GALNT13: variants seen among roughly 807,000 people sequenced by gnomAD.
The protein encoded by GALNT13 is UDP-GalNAc:polypeptide N-acetylgalactosaminyltransferase 13.
Under a neutral mutation model 64.2 loss-of-function variants are expected in GALNT13, and 28 were observed. That is an observed-to-expected ratio of 0.44 (90% CI 0.32 to 0.60). The LOEUF (loss-of-function observed/expected upper bound fraction) is 0.60. Among genes scored for constraint, GALNT13 ranks in the 20% least tolerant of loss-of-function variants. GALNT13 has a pLI of 0.05. For missense variants in GALNT13, 577 were observed against 669.8 expected (o/e 0.86, Z 1.53); for synonymous variants, 214 against 224.6 (o/e 0.95, Z 0.42).
chr2:153,181,357 CA>C, the GALNT13 span, among the ~76,000 whole-genome samples: 19,152 of 144,778 alleles, frequency 0.13, 1,480 homozygotes, highest in Non-Finnish European at 0.18. Flanking sequence ...CCATTACTGT[CA>C]AAAAAAAAAG....
intron 3 of GALNT13, among the ~76,000 whole-genome samples, chr2:153,982,733 G>A (rs1171039436): frequency 6.6e-6 from 1 of 152,012 alleles, no homozygotes; most frequent in Middle Eastern, 3.4e-3. Flanking sequence ...ATAATCTTGA[G>A]CAAACATAAT....
chr2:154,278,910 A>C (rs767333402), intron 8 of GALNT13, among the ~76,000 whole-genome samples: 1 of 152,120 alleles, frequency 6.6e-6, no homozygotes, highest in African/African-American at 2.4e-5. Context: ...ATTTTCTATC[A>C]TTTCATTTTA....
chr2:154,003,598 A>G (rs1171879353), intron 3 of GALNT13, among the ~76,000 whole-genome samples: 1 of 152,188 alleles, frequency 6.6e-6, no homozygotes, highest in Non-Finnish European at 1.5e-5. Context: ...TGTTGAATAC[A>G]AAGTCTTGTT....
chr2:153,599,532 C>T, the GALNT13 span, among the ~76,000 whole-genome samples: 3 of 151,746 alleles, frequency 2.0e-5, no homozygotes, highest in African/African-American at 7.3e-5. Context: ...ACTGCTTGGC[C>T]CAAGAGGGTA....
At chr2:153,811,782 C>T in the GALNT13 span, among the ~76,000 whole-genome samples, 3 of 152,296 alleles carry the variant, frequency 2.0e-5, no homozygotes, top group East Asian at 5.8e-4. Flanking sequence ...AATTGTCAGT[C>T]ACACAAGCCT....
At chr2:153,719,359 T>C in the GALNT13 span, among the ~76,000 whole-genome samples, 26 of 152,326 alleles carry the variant, frequency 1.7e-4, no homozygotes, top group Admixed American at 2.6e-4. Flanking sequence ...ACATTGACAC[T>C]GACTGAAAGG....
At chr2:153,731,747 A>G in the GALNT13 span, among the ~76,000 whole-genome samples, 1 of 152,028 alleles carries the variant, frequency 6.6e-6, no homozygotes, top group Non-Finnish European at 1.5e-5. Context: ...TATATTTGCC[A>G]ATTTTATATT....
chr2:153,175,332 G>A, the GALNT13 span, among the ~76,000 whole-genome samples: 3 of 152,226 alleles, frequency 2.0e-5, no homozygotes, highest in East Asian at 1.9e-4. Context: ...TTTATATGTC[G>A]CAGAGTGGGA....
At chr2:153,280,502 A>G in the GALNT13 span, among the ~76,000 whole-genome samples, 1 of 152,138 alleles carries the variant, frequency 6.6e-6, no homozygotes, top group Non-Finnish European at 1.5e-5. Flanking sequence ...GTAGCTGTTT[A>G]GCACTACAAA....
chr2:153,154,748 C>A, the GALNT13 span, among the ~76,000 whole-genome samples: 12 of 152,050 alleles, frequency 7.9e-5, no homozygotes, highest in Non-Finnish European at 1.3e-4. Context: ...ATTGCCCTGG[C>A]CAGAACTTCC....
Position 154,043,410 on chromosome 2 carries a change from A to AT in GALNT13, c.143-96927_143-96926insT, listed in dbSNP as rs1558926793. On this transcript the variant is annotated intron_variant, in intron 3 of 12. Transcript: ENST00000392825. Reference sequence around the variant, plus strand: ...CTCTTCTGTCAACACTACTATAAGGACTTTTATATATATATATATATATAT... The same window carrying AT: ...CTCTTCTGTCAACACTACTATAAGGATCTTTTATATATATATATATATATAT... Among the ~76,000 whole-genome samples the AT allele has an allele frequency of 3.7e-4, 8 of 21,866 alleles. No individual in the cohort carries two copies. The East Asian group carries it at 0.047, about 128-fold the overall frequency. The allele number at this position is 21,866 out of a possible 152,430, so 14.3% of individuals were successfully genotyped here.
the GALNT13 span, among the ~76,000 whole-genome samples, chr2:153,222,801 G>T: frequency 6.6e-6 from 1 of 152,216 alleles, no homozygotes; most frequent in African/African-American, 2.4e-5. Flanking sequence ...TGCCTGAAGT[G>T]GGTGCTGGGA....
intron 9 of GALNT13, among the ~76,000 whole-genome samples, chr2:154,317,096 C>CT (rs1694359539): frequency 6.6e-6 from 1 of 151,862 alleles, no homozygotes; most frequent in Non-Finnish European, 1.5e-5. Flanking sequence ...ACCTGTAGTC[C>CT]CAGCTACTCA....
At chr2:153,832,309 T>C in the GALNT13 span, among the ~76,000 whole-genome samples, 1 of 152,166 alleles carries the variant, frequency 6.6e-6, no homozygotes, top group Admixed American at 6.5e-5. Context: ...GAATTATATA[T>C]GTTATTGGTG....
At chr2:154,253,950 A>G in intron 7 of GALNT13, among the ~76,000 whole-genome samples, 1 of 152,200 alleles carries the variant, frequency 6.6e-6, no homozygotes, top group East Asian at 1.9e-4. Flanking sequence ...ATAATACTAT[A>G]TACAATAAGA....
In GALNT13 at chr2:153,963,051, C is replaced by T. The variant is rs145483310; in HGVS notation, c.142+18412C>T. Among the ~76,000 whole-genome samples, 161 of 152,262 alleles carry T rather than the reference C, an allele frequency of 1.1e-3. 1 individual carries two copies. Among genetic ancestry groups the T allele is most frequent in the African/African-American group, 3.5e-3 (147 of 41,552 alleles). On this transcript the variant is annotated intron_variant, in intron 3 of 12. Transcript: ENST00000392825. ...AAAGAACAGAAATTTATTTCTTACACGTTTGGAGGCTTAGAAAGCCAAGAC... is the reference window on the plus strand; with the variant it reads ...AAAGAACAGAAATTTATTTCTTACATGTTTGGAGGCTTAGAAAGCCAAGAC...
At chr2:154,087,516 GT>G (rs1701590689) in intron 3 of GALNT13, among the ~76,000 whole-genome samples, 1 of 151,956 alleles carries the variant, frequency 6.6e-6, no homozygotes, top group African/African-American at 2.4e-5. Flanking sequence ...ACTTGACTAA[GT>G]CTATGCTATC....
intron 9 of GALNT13, among the ~76,000 whole-genome samples, chr2:154,387,259 T>C (rs1410612601): frequency 6.6e-6 from 1 of 151,416 alleles, no homozygotes; most frequent in Non-Finnish European, 1.5e-5. Context: ...CGCCTAAACC[T>C]CTGAAACAAT....
intron 3 of GALNT13, among the ~76,000 whole-genome samples, chr2:154,104,346 T>C (rs1002917053): frequency 3.3e-5 from 5 of 152,100 alleles, no homozygotes; most frequent in Admixed American, 3.3e-4. Context: ...CTGCTGTGTG[T>C]AGAGAGGGAG....
Sources: allele counts gnomAD v4.1 joint callset (sites outside exome capture counted in the v4.1 genomes callset), GRCh38; gene constraint gnomAD v4.1.1; transcripts MANE v1.5; gene names NCBI Gene and HGNC (gene_info 2026-07-23, HGNC 2026-07-21).